The following DCAF6 variants were observed in gnomAD, a reference collection of about 807,000 sequenced individuals.
DCAF6 encodes DDB1 and CUL4 associated factor 6.
A neutral mutation model predicts 125.1 loss-of-function variants in DCAF6; 54 were observed. That is an observed-to-expected ratio of 0.43 (90% confidence interval 0.35 to 0.54). DCAF6 has a LOEUF of 0.54. Ranked by LOEUF, DCAF6 falls within the 20% of genes least tolerant of loss-of-function variation. DCAF6 has a pLI of 0.01. For synonymous variants in DCAF6, 371 were observed against 390.4 expected (o/e 0.95, Z 0.58); for missense variants, 934 against 1,161.7 (o/e 0.80, Z 2.85).
the DCAF6 span, chr1:167,870,465 A>G: frequency 6.9e-7 from 1 of 1,456,450 alleles, no homozygotes; most frequent in Non-Finnish European, 9.5e-7. Flanking sequence ...AATAGTCTAG[A>G]GATATAAAAA....
At chr1:168,028,962 A>G (rs1456332874) in intron 12 of DCAF6, among the ~76,000 whole-genome samples, 1 of 152,174 alleles carries the variant, frequency 6.6e-6, no homozygotes, top group Non-Finnish European at 1.5e-5. Context: ...TAGTGAAATA[A>G]AATTTCATTC....
rs111492034 is a variant in DCAF6 at position 167,939,675 on chromosome 1, A to G, written c.97+2667A>G. ...CTCCTTGGGAGGCTGAGGCAGGAGAATAGCTTGAACTTGGGAAGTGGAGGT... is the reference window on the plus strand; with the variant it reads ...CTCCTTGGGAGGCTGAGGCAGGAGAGTAGCTTGAACTTGGGAAGTGGAGGT... On this transcript the variant is annotated intron_variant, in intron 1 of 21. Coordinates refer to ENST00000367840, the MANE Select transcript of DCAF6 (RefSeq NM_001198956.2). 5.7e-3 allele frequency among the ~76,000 whole-genome samples: 868 copies of G among 152,286 alleles called. 7 individuals carry two copies. Among genetic ancestry groups the G allele is most frequent in the African/African-American group, 0.02 (822 of 41,564 alleles).
At chr1:167,866,975 C>T in the DCAF6 span, among the ~76,000 whole-genome samples, 1 of 152,166 alleles carries the variant, frequency 6.6e-6, no homozygotes, top group African/African-American at 2.4e-5. Context: ...CATAAAGTCC[C>T]CCCCATGCTG....
At chr1:168,032,683 T>C (rs1216160040) in intron 12 of DCAF6, among the ~76,000 whole-genome samples, 1 of 152,366 alleles carries the variant, frequency 6.6e-6, no homozygotes, top group East Asian at 1.9e-4. Flanking sequence ...CACATCGTTA[T>C]ACAATAGAAA....
At chr1:168,023,702 G>A (rs908094377) in intron 12 of DCAF6, 1 of 152,238 alleles carries the variant, frequency 6.6e-6, no homozygotes, top group African/African-American at 2.4e-5. Flanking sequence ...GCACAGAGAA[G>A]GATTAGTAGA....
chr1:167,911,735 C>T, the DCAF6 span, among the ~76,000 whole-genome samples: 22 of 152,164 alleles, frequency 1.4e-4, no homozygotes, highest in Non-Finnish European at 2.5e-4. Context: ...AATTTATGTT[C>T]AAGTGCTATT....
the DCAF6 span, among the ~76,000 whole-genome samples, chr1:167,899,267 C>A: frequency 6.6e-6 from 1 of 152,180 alleles, no homozygotes; most frequent in Non-Finnish European, 1.5e-5. Flanking sequence ...AGAGGAGCTG[C>A]CCTGGACTAA....
chr1:168,049,410 TTTG>T (rs1265956080), intron 16 of DCAF6, among the ~76,000 whole-genome samples: 12 of 140,492 alleles, frequency 8.5e-5, no homozygotes, highest in South Asian at 2.2e-4. Context: ...ACTCTGCTAA[TTTG>T]TTGTTGTTGT....
upstream of DCAF6, chr1:167,935,693 G>C (rs1363807606): frequency 6.6e-7 from 1 of 1,510,354 alleles, no homozygotes; most frequent in Non-Finnish European, 9.0e-7. Flanking sequence ...GAGGAAGCGA[G>C]AAGGAAGGTC....
chr1:167,980,553 C>T (rs1678947068), intron 4 of DCAF6, among the ~76,000 whole-genome samples: 1 of 152,084 alleles, frequency 6.6e-6, no homozygotes, highest in South Asian at 2.1e-4. Flanking sequence ...ATTTTCATTT[C>T]CCCAAAGATT....
chr1:167,880,332 T>A, the DCAF6 span: 1 of 975,972 alleles, frequency 1.0e-6, no homozygotes, highest in Middle Eastern at 2.2e-4. Flanking sequence ...GTTTATGGCA[T>A]TTCTACATGG....
intron 7 of DCAF6, among the ~76,000 whole-genome samples, chr1:168,001,343 A>G (rs1025937229): frequency 1.3e-5 from 2 of 152,188 alleles, no homozygotes; most frequent in African/African-American, 4.8e-5. Context: ...CAAGAGTGAT[A>G]GGTGCCATAA....
chr1:168,006,975 T>C (rs1391099287), intron 10 of DCAF6, among the ~76,000 whole-genome samples: 1 of 152,206 alleles, frequency 6.6e-6, no homozygotes, highest in Non-Finnish European at 1.5e-5. Context: ...CAATGGGTGC[T>C]CAACACTGTG....
At chr1:168,022,877 C>A in intron 11 of DCAF6, 111 bp from the exon 12 acceptor site, 1 of 955,396 alleles carries the variant, frequency 1.0e-6, no homozygotes, top group Non-Finnish European at 1.6e-6. Flanking sequence ...ACAGTACTTA[C>A]TTCTATTCCG....
chr1:167,871,290 A>G, the DCAF6 span, among the ~76,000 whole-genome samples: 1 of 152,214 alleles, frequency 6.6e-6, no homozygotes, highest in Non-Finnish European at 1.5e-5. Flanking sequence ...ATAAAATTCA[A>G]TTTGCCTTCA....
intron 3 of DCAF6, among the ~76,000 whole-genome samples, chr1:167,969,044 A>G (rs41270741): frequency 0.084 from 12,839 of 152,102 alleles, 607 homozygotes; most frequent in Middle Eastern, 0.1. Flanking sequence ...ATAGATTTAT[A>G]TGTTGGTTTT....
In DCAF6 at chr1:167,936,928, C is replaced by T; in HGVS notation, c.17C>T (p.Ser6Phe). The T allele has an allele frequency of 5.0e-6, 8 of 1,607,256 alleles. No individual in the cohort carries two copies. The highest frequency in any genetic ancestry group is 6.8e-6 in the Non-Finnish European group (8 of 1,177,878). Residue 6 changes from serine to phenylalanine, a missense_variant, in exon 1 of 22, where the codon TCC (serine) becomes TTC (phenylalanine). By Grantham distance (155) the Ser-to-Phe change is radical. Transcript: ENST00000367840. ...GGCAGAGCCATGTCTCGGGGTGGCTCCTACCCACACCTGTTGTGGGACGTG... is the reference window on the plus strand; with the variant it reads ...GGCAGAGCCATGTCTCGGGGTGGCTTCTACCCACACCTGTTGTGGGACGTG... MSRGG[S>F]YPHLLWDVRK...
At chr1:167,877,025 C>G in the DCAF6 span, among the ~76,000 whole-genome samples, 1 of 151,956 alleles carries the variant, frequency 6.6e-6, no homozygotes, top group South Asian at 2.1e-4. Context: ...CAAGATCAAC[C>G]AAATCCAGCC....
chr1:167,991,390 ATC>A (rs548210459), intron 6 of DCAF6, 51 bp downstream of exon 6: 8 of 1,502,756 alleles, frequency 5.3e-6, no homozygotes, highest in Non-Finnish European at 7.2e-6. Context: ...CAAAGAGTAA[ATC>A]TCTATGACAT....
Sources: allele counts gnomAD v4.1 joint callset (sites outside exome capture counted in the v4.1 genomes callset), GRCh38; gene constraint gnomAD v4.1.1; transcripts MANE v1.5; gene names NCBI Gene and HGNC (gene_info 2026-07-23, HGNC 2026-07-21).